CCDC125: variants seen among roughly 807,000 people sequenced by gnomAD.
CCDC125 encodes the protein coiled-coil domain-containing protein 125.
Under a neutral mutation model 57.4 loss-of-function variants are expected in CCDC125, and 43 were observed. The observed-to-expected ratio is 0.75, with a 90% CI of 0.59 to 0.97. The LOEUF is 0.97. Ranked by LOEUF, CCDC125 falls within the 50% of genes least tolerant of loss-of-function variation. CCDC125 has a pLI of 0.00. For synonymous variants in CCDC125, 187 were observed against 195.2 expected (o/e 0.96, Z 0.35); for missense variants, 563 against 595.7 (o/e 0.95, Z 0.57).
intron 10 of CCDC125, among the ~76,000 whole-genome samples, chr5:69,287,263 A>ATTTTTTT: frequency 7.1e-6 from 1 of 141,008 alleles, no homozygotes; most frequent in Non-Finnish European, 1.5e-5. Context: ...AGATTAATCA[A>ATTTTTTT]TTTTTTTTTT....
chr5:69,331,005 T>G (rs1169222023), intron 1 of CCDC125, among the ~76,000 whole-genome samples: 2 of 151,976 alleles, frequency 1.3e-5, no homozygotes, highest in African/African-American at 4.8e-5. Context: ...CTGTTTTCCT[T>G]TTTAAAAAAA....
At chr5:69,289,854 T>C (rs1183640787) in intron 10 of CCDC125, among the ~76,000 whole-genome samples, 1 of 118,742 alleles carries the variant, frequency 8.4e-6, no homozygotes, top group African/African-American at 3.4e-5. Flanking sequence ...CAGGATAAGA[T>C]GCTGCCTCAA....
chr5:69,322,146 T>G (rs2150620491), intron 1 of CCDC125, among the ~76,000 whole-genome samples: 1 of 151,998 alleles, frequency 6.6e-6, no homozygotes, highest in East Asian at 1.9e-4. Flanking sequence ...CAGCTGGGTT[T>G]TTTTTTTCAT....
chr5:69,299,234 C>T (rs1346878035), intron 8 of CCDC125, among the ~76,000 whole-genome samples: 2 of 152,088 alleles, frequency 1.3e-5, no homozygotes, highest in Non-Finnish European at 2.9e-5. Flanking sequence ...CTCAGCCTCC[C>T]AAGTAGCTGG....
rs756046597 is a variant in CCDC125 at position 69,282,899 on chromosome 5, T to G, written c.1366A>C (p.Asn456His). 6.2e-7 allele frequency: 1 copy of G among 1,614,158 alleles called. No homozygotes were observed. The highest frequency in any genetic ancestry group is 1.1e-5 in the South Asian group (1 of 91,082). ...NPIKENFPFN[N>H]PWRKTSEFSV... ...AATTCTGAAGTCTTACGCCAGGGGT[T>G]GTTGAAAGGGAAATTCTCTTTTATA... Residue 456 changes from asparagine to histidine, a missense_variant, in exon 12 of 12, where the codon AAC becomes CAC. Coordinates refer to ENST00000396496, the MANE Select transcript of CCDC125 (RefSeq NM_176816.5).
intron 11 of CCDC125, among the ~76,000 whole-genome samples, chr5:69,283,428 G>A (rs1752765855): frequency 6.6e-6 from 1 of 151,886 alleles, no homozygotes; most frequent in South Asian, 2.1e-4. Flanking sequence ...CACTGTGTTT[G>A]CCAGGATGGT....
chr5:69,295,132 A>G (rs528089306), intron 8 of CCDC125, among the ~76,000 whole-genome samples: 24 of 152,320 alleles, frequency 1.6e-4, no homozygotes, highest in African/African-American at 5.8e-4. Flanking sequence ...CACAAACAAA[A>G]GGGAATTTTA....
At chr5:69,300,991 C>T (rs1756328102) in intron 7 of CCDC125, among the ~76,000 whole-genome samples, 1 of 148,430 alleles carries the variant, frequency 6.7e-6, no homozygotes, top group Admixed American at 6.8e-5. Context: ...TCCTGGGCTC[C>T]AGGGATCCTC....
In CCDC125 at chr5:69,292,341, T is replaced by C. The variant is rs1205787115; in HGVS notation, c.946A>G (p.Lys316Glu). Reference protein sequence around the residue: ...KQELEILQKSKEEAYVMADAF... With the variant: ...KQELEILQKSEEEAYVMADAF... The stretch of plus-strand genomic sequence containing the variant: ...TCTGCCATCACGTAAGCTTCTTCTT[T>C]ACTCTTCTGCAAAATTTCCAACTGA... The change falls in exon 10 of 12, where the codon AAA becomes GAA. Residue 316 changes from lysine (K) to glutamate (E), a missense_variant. Coordinates refer to ENST00000396496, the MANE Select transcript of CCDC125 (RefSeq NM_176816.5). The C allele has an allele frequency of 6.2e-7, 1 of 1,612,482 alleles. No homozygotes were observed. Among genetic ancestry groups the C allele is most frequent in the Admixed American group, 1.7e-5 (1 of 59,658 alleles).
At position 69,283,016 on chromosome 5, in the gene CCDC125, C is replaced by T; in HGVS notation, c.1249G>A (p.Ala417Thr). ...LIDLLNDKEE[A>T]LAHQRKVSYM... ...CTAACTTTTCTTTGATGAGCCAAAG[C>T]TTCTTCTTTATCATTAAGCTGCATG... The change falls in exon 12 of 12, where the codon GCT becomes ACT. Residue 417 changes from alanine to threonine, a missense_variant. Ala to Thr is a moderately conservative substitution (Grantham distance 58, BLOSUM62 0). Coordinates refer to ENST00000396496, the MANE Select transcript of CCDC125 (RefSeq NM_176816.5). The T allele has an allele frequency of 2.5e-6, 4 of 1,593,506 alleles. No homozygotes were observed. Among genetic ancestry groups the T allele is most frequent in the East Asian group, 4.5e-5 (2 of 44,716 alleles).
At chr5:69,318,731 C>G (rs1002586030) in intron 2 of CCDC125, among the ~76,000 whole-genome samples, 1 of 151,154 alleles carries the variant, frequency 6.6e-6, no homozygotes, top group East Asian at 2.0e-4. Flanking sequence ...CTAGCCTGGG[C>G]GACAAGAGTG....
chr5:69,330,951 A>G (rs1011545995), intron 1 of CCDC125, among the ~76,000 whole-genome samples: 13 of 152,092 alleles, frequency 8.5e-5, no homozygotes, highest in South Asian at 2.1e-4. Context: ...GCTGTAAAAC[A>G]TTCCATGGCT....
At chr5:69,320,945 G>A (rs892643435) in intron 1 of CCDC125, among the ~76,000 whole-genome samples, 7 of 152,082 alleles carry the variant, frequency 4.6e-5, no homozygotes, top group Admixed American at 1.3e-4. Context: ...CAAATACCAC[G>A]TTCTTCCTTA....
chr5:69,320,290 T>C lies in CCDC125; in HGVS notation c.251A>G (p.Asp84Gly), dbSNP rs756737259. The C allele has an allele frequency of 6.2e-7, 1 of 1,614,138 alleles. No individual in the cohort carries two copies. The highest frequency in any genetic ancestry group is 1.1e-5 in the South Asian group (1 of 91,084). The change falls in exon 2 of 12, where the codon GAT becomes GGT. Residue 84 changes from aspartate to glycine, a missense_variant. Coordinates refer to ENST00000396496, the MANE Select transcript of CCDC125 (RefSeq NM_176816.5). ...FQYSKHKSQQ[D>G]TFPQVSRISN... is the part of the protein sequence containing the mutation. Reference sequence around the variant, plus strand: ...AATTCTGGACACTTGAGGGAATGTATCTTGCTGGCTCTTATGCTTGGAATA... The same window carrying C: ...AATTCTGGACACTTGAGGGAATGTACCTTGCTGGCTCTTATGCTTGGAATA...
At chr5:69,296,657 C>G (rs747548829) in intron 8 of CCDC125, among the ~76,000 whole-genome samples, 6 of 152,032 alleles carry the variant, frequency 3.9e-5, no homozygotes, top group African/African-American at 1.4e-4. Context: ...TTTTAAAACT[C>G]CACTTTAAAA....
At chr5:69,278,045 A>T (rs560330796), downstream of CCDC125, among the ~76,000 whole-genome samples, 1 of 151,728 alleles carries the variant, frequency 6.6e-6, no homozygotes, top group South Asian at 2.1e-4. Flanking sequence ...CACCTGCCTA[A>T]TTTTTTTTAT....
intron 9 of CCDC125, 73 bp downstream of exon 9, chr5:69,294,720 C>A: frequency 8.8e-7 from 1 of 1,137,746 alleles, no homozygotes; most frequent in Non-Finnish European, 1.3e-6. Flanking sequence ...TTAATTATTG[C>A]AAACATTTCC....
At chr5:69,315,974 C>A (rs1759042949) in intron 2 of CCDC125, among the ~76,000 whole-genome samples, 1 of 145,104 alleles carries the variant, frequency 6.9e-6, no homozygotes. Context: ...AAGTTATAAG[C>A]AAGAGTATAG....
chr5:69,328,823 T>C (rs1761048202), intron 1 of CCDC125, among the ~76,000 whole-genome samples: 1 of 151,812 alleles, frequency 6.6e-6, no homozygotes, highest in Non-Finnish European at 1.5e-5. Flanking sequence ...AGATGGAGTC[T>C]CGCTTTGTCA....
Sources: allele counts gnomAD v4.1 joint callset (sites outside exome capture counted in the v4.1 genomes callset), GRCh38; gene constraint gnomAD v4.1.1; transcripts MANE v1.5; gene names NCBI Gene and HGNC (gene_info 2026-07-23, HGNC 2026-07-21).